Variants in PTCRA observed in about 807,000 individuals in gnomAD.
PTCRA encodes pre T-cell antigen receptor alpha.
PTCRA carries 9 observed loss-of-function variants against 13.4 expected under a neutral mutation model. The ratio of observed to expected loss-of-function variants is 0.67; its 90% CI spans 0.41 to 1.18. The LOEUF is 1.18. Ranked by LOEUF, PTCRA falls within the 50% of genes most tolerant of loss-of-function variation. The pLI is 0.01. For missense variants in PTCRA, 353 were observed against 359.8 expected (o/e 0.98, Z 0.15); for synonymous variants, 153 against 161.9 (o/e 0.94, Z 0.42).
intron 1 of PTCRA, chr6:42,922,299 C>T (rs1767210821): frequency 1.4e-6 from 1 of 699,874 alleles, no homozygotes. Context: ...ACTGTCTTTC[C>T]CATGGAACTG....
At chr6:42,924,731 G>T (rs924412790) in intron 3 of PTCRA, among the ~76,000 whole-genome samples, 2 of 152,170 alleles carry the variant, frequency 1.3e-5, no homozygotes, top group African/African-American at 4.8e-5. Flanking sequence ...CCAGCACTTT[G>T]GGAGGCCGAG....
chr6:42,922,870 A>C (rs985688421), intron 1 of PTCRA, among the ~76,000 whole-genome samples, 157 bp from the exon 2 acceptor site: 1 of 152,170 alleles, frequency 6.6e-6, no homozygotes, highest in Non-Finnish European at 1.5e-5. Flanking sequence ...GGGAAAATGC[A>C]AGGAGGAATG....
intron 3 of PTCRA, chr6:42,924,506 A>T: frequency 1.7e-6 from 1 of 590,160 alleles, no homozygotes; most frequent in Non-Finnish European, 3.0e-6. Context: ...ATTAGTTGAG[A>T]AGCACAGGTG....
chr6:42,921,705 C>T (rs979338899), intron 1 of PTCRA, among the ~76,000 whole-genome samples: 3 of 143,750 alleles, frequency 2.1e-5, no homozygotes, highest in African/African-American at 7.8e-5. Context: ...CATGAGCCAC[C>T]GTGCCCGGCC....
chr6:42,916,307 G>T (rs1466903296), intron 1 of PTCRA, among the ~76,000 whole-genome samples, 180 bp downstream of exon 1: 1 of 152,030 alleles, frequency 6.6e-6, no homozygotes, highest in Non-Finnish European at 1.5e-5. Flanking sequence ...TATATAGAGG[G>T]TCCCCACTAT....
rs1309316990 is a variant in PTCRA at position 42,916,098 on chromosome 6, T to A, written c.29T>A (p.Leu10Gln). ...GCCGGTACATGGCTGCTACTTCTCC[T>A]GGCCCTTGGGTGTCCAGCCCTACCC... is the stretch of plus-strand genomic sequence containing the variant. MAGTWLLLL[L>Q]ALGCPALPTG... Residue 10 changes from leucine (L) to glutamine (Q), a missense_variant, in exon 1 of 4, where the codon CTG becomes CAG. Physicochemically the swap from Leu to Gln is moderately radical, Grantham distance 113. Transcript: ENST00000304672. 1 of 1,613,978 alleles carries A rather than the reference T, an allele frequency of 6.2e-7. No homozygotes were observed. The highest frequency in any genetic ancestry group is 2.2e-5 in the East Asian group (1 of 44,898).
intron 1 of PTCRA, among the ~76,000 whole-genome samples, chr6:42,917,015 G>C (rs1206763077): frequency 6.6e-6 from 1 of 151,958 alleles, no homozygotes; most frequent in African/African-American, 2.4e-5. Context: ...AACTGAAAAG[G>C]CTCTGGAGGT....
intron 2 of PTCRA, 28 bp downstream of exon 2, chr6:42,923,375 A>C: frequency 6.2e-7 from 1 of 1,602,980 alleles, no homozygotes. Context: ...GCCCTTGCGG[A>C]TGCTCCCTGT....
At chr6:42,922,168 G>C (rs1038630943) in intron 1 of PTCRA, 1 of 686,586 alleles carries the variant, frequency 1.5e-6, no homozygotes, top group Non-Finnish European at 2.6e-6. Flanking sequence ...TTTAAAAAAA[G>C]AAACAAAAAG....
chr6:42,923,661 C>A (rs1272902153), intron 2 of PTCRA, among the ~76,000 whole-genome samples: 1 of 152,160 alleles, frequency 6.6e-6, no homozygotes, highest in Non-Finnish European at 1.5e-5. Context: ...CTATAAGGAC[C>A]AAACTAATTA....
intron 1 of PTCRA, among the ~76,000 whole-genome samples, chr6:42,919,011 G>T (rs955846729): frequency 6.7e-6 from 1 of 148,346 alleles, no homozygotes; most frequent in East Asian, 2.0e-4. Context: ...GGATGGTCTC[G>T]ATCTCCTGAC....
At chr6:42,920,274 C>A (rs567034684) in intron 1 of PTCRA, among the ~76,000 whole-genome samples, 1 of 150,452 alleles carries the variant, frequency 6.6e-6, no homozygotes, top group Non-Finnish European at 1.5e-5. Context: ...GAGCCGAGAT[C>A]GCGCCACTGC....
chr6:42,924,129 G>T (rs532685820), intron 2 of PTCRA, 100 bp from the exon 3 acceptor site: 1 of 1,063,838 alleles, frequency 9.4e-7, no homozygotes, highest in South Asian at 1.6e-5. Context: ...CAAATGCCTC[G>T]ACACCCACCC....
At chr6:42,916,637 A>T (rs6937172) in intron 1 of PTCRA, among the ~76,000 whole-genome samples, 32,568 of 151,978 alleles carry the variant, frequency 0.21, 3,712 homozygotes, top group Middle Eastern at 0.27. Context: ...TCAGGATAGG[A>T]CCCAAGGCCT....
Position 42,920,851 on chromosome 6 carries a change from G to A in PTCRA, c.59-2176G>A, listed in dbSNP as rs563196728. 2.0e-5 allele frequency among the ~76,000 whole-genome samples: 3 copies of A among 149,644 alleles called. No individual in the cohort carries two copies. The South Asian group carries it at 6.3e-4, about 32-fold the overall frequency. On this transcript the variant is annotated intron_variant, in intron 1 of 3. Coordinates refer to ENST00000304672, the MANE Select transcript of PTCRA (RefSeq NM_138296.3). Reference sequence around the variant, plus strand: ...TTCACTCTGTCACCCAGGCTGGAGTGCAGTGACGCGATCTCAGCTCACTGC... The same window carrying A: ...TTCACTCTGTCACCCAGGCTGGAGTACAGTGACGCGATCTCAGCTCACTGC...
At chr6:42,923,408 G>T in intron 2 of PTCRA, 61 bp downstream of exon 2, 1 of 1,520,620 alleles carries the variant, frequency 6.6e-7, no homozygotes, top group South Asian at 1.2e-5. Context: ...ACCAGGATAT[G>T]GTTGGAGGGA....
Position 42,923,017 on chromosome 6 carries a change from T to C in PTCRA, c.59-10T>C. On this transcript the variant is annotated splice_polypyrimidine_tract_variant and intron_variant, in intron 1 of 3. Transcript: ENST00000304672. ...TGGTCTAGCACCCACAGGTACATGCTCTCTTGCAGGTGTGGGCGGCACACC... is the reference window on the plus strand; with the variant it reads ...TGGTCTAGCACCCACAGGTACATGCCCTCTTGCAGGTGTGGGCGGCACACC... 6.2e-7 allele frequency: 1 copy of C among 1,613,636 alleles called. No homozygotes were observed. The highest frequency in any genetic ancestry group is 1.1e-5 in the South Asian group (1 of 91,074).
At chr6:42,922,567 C>A (rs2114129116) in intron 1 of PTCRA, among the ~76,000 whole-genome samples, 1 of 151,860 alleles carries the variant, frequency 6.6e-6, no homozygotes, top group South Asian at 2.1e-4. Flanking sequence ...GCTAACACGT[C>A]TCTACTAAAA....
chr6:42,922,730 A>G (rs1432630401), intron 1 of PTCRA, among the ~76,000 whole-genome samples: 5 of 148,966 alleles, frequency 3.4e-5, no homozygotes, highest in African/African-American at 1.3e-4. Context: ...ACAGAGCAAA[A>G]TTCCATCTCA....
Sources: allele counts gnomAD v4.1 joint callset (sites outside exome capture counted in the v4.1 genomes callset), GRCh38; gene constraint gnomAD v4.1.1; transcripts MANE v1.5; gene names NCBI Gene and HGNC (gene_info 2026-07-23, HGNC 2026-07-21).